The following DIS3L2 variants were observed in gnomAD, a reference collection of about 807,000 sequenced individuals.
The protein encoded by DIS3L2 is DIS3 like 3'-5' exoribonuclease 2, also known as DIS3-like exonuclease 2.
DIS3L2 carries 34 observed loss-of-function variants against 97.5 expected under a neutral mutation model. The ratio of observed to expected loss-of-function variants is 0.35; its 90% CI spans 0.27 to 0.46. The LOEUF (loss-of-function observed/expected upper bound fraction) is 0.46. Among genes scored for constraint, DIS3L2 ranks in the 20% least tolerant of loss-of-function variants. The pLI, the probability that DIS3L2 is intolerant of heterozygous loss-of-function variation, is 1.00. For synonymous variants in DIS3L2, 435 were observed against 445.2 expected, an observed-to-expected ratio of 0.98 and a Z score of 0.29; for missense variants, 1,038 against 1,146.0, an observed-to-expected ratio of 0.91 and a Z score of 1.36.
At chr2:232,205,555 G>A (rs1692006343) in intron 9 of DIS3L2, among the ~76,000 whole-genome samples, 1 of 152,010 alleles carries the variant, frequency 6.6e-6, no homozygotes, top group Admixed American at 6.6e-5. Flanking sequence ...GCCCACCGCG[G>A]CCTCCCAAAG....
chr2:232,231,202 A>G (rs779216951), intron 10 of DIS3L2, among the ~76,000 whole-genome samples: 10 of 152,232 alleles, frequency 6.6e-5, no homozygotes, highest in Non-Finnish European at 1.3e-4. Flanking sequence ...TTGTATGTCT[A>G]CAGTGCCTAG....
chr2:232,027,991 A>T (rs1426600311), intron 4 of DIS3L2, among the ~76,000 whole-genome samples: 2 of 152,150 alleles, frequency 1.3e-5, no homozygotes, highest in African/African-American at 4.8e-5. Context: ...AATTATGTAA[A>T]TCTAAGAAGC....
intron 14 of DIS3L2, chr2:232,307,689 C>G (rs1009236466): frequency 6.6e-6 from 1 of 152,098 alleles, no homozygotes; most frequent in Non-Finnish European, 1.5e-5. Context: ...TCTGAGTGCC[C>G]GCAGACACCA....
chr2:232,262,213 T>C (rs1301943066), intron 12 of DIS3L2, among the ~76,000 whole-genome samples: 2 of 152,122 alleles, frequency 1.3e-5, no homozygotes, highest in Non-Finnish European at 2.9e-5. Context: ...CTTTCTTCCA[T>C]AGACCCTTCC....
chr2:232,048,704 C>CA, intron 5 of DIS3L2, among the ~76,000 whole-genome samples: 1 of 151,218 alleles, frequency 6.6e-6, no homozygotes, highest in Admixed American at 6.6e-5. Flanking sequence ...GCACTCCAGC[C>CA]TGGGCGATAG....
chr2:232,058,562 T>G (rs1695611349), intron 5 of DIS3L2, among the ~76,000 whole-genome samples: 1 of 152,224 alleles, frequency 6.6e-6, no homozygotes, highest in South Asian at 2.1e-4. Context: ...TGCTATGTAC[T>G]GGGATGTCAC....
chr2:232,328,704 C>A (rs977962506), intron 14 of DIS3L2: 3 of 152,328 alleles, frequency 2.0e-5, no homozygotes, highest in South Asian at 2.1e-4. Context: ...AAGGCAGAGT[C>A]CCCCCAGGCT....
chr2:232,205,622 G>A (rs1692008311), intron 9 of DIS3L2, among the ~76,000 whole-genome samples: 1 of 151,956 alleles, frequency 6.6e-6, no homozygotes, highest in Admixed American at 6.6e-5. Context: ...TAAAAATTAG[G>A]AAATGAGGTA....
intron 1 of DIS3L2, among the ~76,000 whole-genome samples, chr2:231,977,543 GCT>G (rs1460037783): frequency 6.6e-6 from 1 of 152,164 alleles, no homozygotes; most frequent in Non-Finnish European, 1.5e-5. Flanking sequence ...CTTGTACTGT[GCT>G]AATGAAAGGA....
chr2:232,096,117 C>T (rs1456873155), intron 6 of DIS3L2, among the ~76,000 whole-genome samples: 4 of 144,556 alleles, frequency 2.8e-5, no homozygotes, highest in South Asian at 2.2e-4. Context: ...GACAGAGTCT[C>T]GCTCTGTCGC....
At chr2:232,195,334 A>C (rs1559723675) in intron 9 of DIS3L2, among the ~76,000 whole-genome samples, 1 of 152,232 alleles carries the variant, frequency 6.6e-6, no homozygotes, top group Non-Finnish European at 1.5e-5. Context: ...GAATTACAAT[A>C]GAGAAAGAGT....
chr2:232,229,933 A>G (rs1268586143), intron 10 of DIS3L2, among the ~76,000 whole-genome samples: 1 of 152,176 alleles, frequency 6.6e-6, no homozygotes, highest in African/African-American at 2.4e-5. Flanking sequence ...GGGGAGACCT[A>G]AGAAGTCATC....
At chr2:232,259,045 C>G (rs1158143115) in intron 12 of DIS3L2, among the ~76,000 whole-genome samples, 1 of 152,124 alleles carries the variant, frequency 6.6e-6, no homozygotes, top group Non-Finnish European at 1.5e-5. Context: ...TGCCAGAGGT[C>G]CCTGTGCCTG....
intron 13 of DIS3L2, among the ~76,000 whole-genome samples, chr2:232,284,832 TC>T (rs1490196230): frequency 1.3e-5 from 2 of 152,168 alleles, no homozygotes; most frequent in African/African-American, 4.8e-5. Flanking sequence ...GCAGTGCAGC[TC>T]AGTCATCTTT....
intron 5 of DIS3L2, among the ~76,000 whole-genome samples, chr2:232,086,893 G>C (rs905656376): frequency 2.0e-5 from 3 of 151,438 alleles, no homozygotes; most frequent in African/African-American, 7.3e-5. Flanking sequence ...TGTTAGCCAG[G>C]ATGGTCTCAA....
intron 5 of DIS3L2, among the ~76,000 whole-genome samples, chr2:232,045,229 T>C (rs910719822): frequency 2.0e-5 from 3 of 152,154 alleles, no homozygotes; most frequent in Admixed American, 6.6e-5. Context: ...TAACCTTCTC[T>C]AAGTCCAACA....
intron 13 of DIS3L2, among the ~76,000 whole-genome samples, chr2:232,265,875 G>A (rs572694256): frequency 6.6e-6 from 1 of 152,300 alleles, no homozygotes; most frequent in Non-Finnish European, 1.5e-5. Flanking sequence ...AAAAGACTAT[G>A]TAGAATTCCG....
At chr2:232,324,756 GTAA>G (rs1477350440) in intron 14 of DIS3L2, among the ~76,000 whole-genome samples, 1 of 152,216 alleles carries the variant, frequency 6.6e-6, no homozygotes, top group East Asian at 1.9e-4. Flanking sequence ...CATAAGATGT[GTAA>G]TAATAATGTC....
intron 5 of DIS3L2, among the ~76,000 whole-genome samples, chr2:232,080,085 G>A (rs896843062): frequency 6.6e-6 from 1 of 152,212 alleles, no homozygotes. Flanking sequence ...GGCAATAAAG[G>A]TTGTTTGGGT....
Sources: allele counts gnomAD v4.1 joint callset (sites outside exome capture counted in the v4.1 genomes callset), GRCh38; gene constraint gnomAD v4.1.1; transcripts MANE v1.5; gene names NCBI Gene and HGNC (gene_info 2026-07-23, HGNC 2026-07-21).